EXT1: variants seen among roughly 807,000 people sequenced by gnomAD.
EXT1 encodes exostosin glycosyltransferase 1.
EXT1 carries 20 observed loss-of-function variants against 82.5 expected under a neutral mutation model. The ratio of observed to expected loss-of-function variants is 0.24; its 90% CI spans 0.17 to 0.35. The LOEUF (loss-of-function observed/expected upper bound fraction) is 0.35, where lower values mean the gene tolerates loss of function less well. Ranked by LOEUF, EXT1 falls within the 10% of genes least tolerant of loss-of-function variation. The pLI is 1.00. For missense variants in EXT1, 757 were observed against 936.5 expected, an observed-to-expected ratio of 0.81 and a Z score of 2.50; for synonymous variants, 348 against 350.8, an observed-to-expected ratio of 0.99 and a Z score of 0.09.
At chr8:117,912,879 A>G (rs1038803479) in intron 1 of EXT1, among the ~76,000 whole-genome samples, 1 of 152,220 alleles carries the variant, frequency 6.6e-6, no homozygotes, top group Non-Finnish European at 1.5e-5. Context: ...AGAACTAAAT[A>G]AGACAAGGAT....
intron 1 of EXT1, among the ~76,000 whole-genome samples, chr8:118,039,575 A>T (rs1232082982): frequency 2.0e-5 from 3 of 150,938 alleles, no homozygotes; most frequent in Non-Finnish European, 3.0e-5. Flanking sequence ...AAAAAAAAAA[A>T]AAAAAATAAG....
At chr8:117,870,284 T>C (rs982168088) in intron 1 of EXT1, among the ~76,000 whole-genome samples, 1 of 152,210 alleles carries the variant, frequency 6.6e-6, no homozygotes, top group Admixed American at 6.5e-5. Context: ...AAAACACATC[T>C]CCCACCAATA....
chr8:117,812,777 C>T, intron 8 of EXT1, 95 bp downstream of exon 8: 1 of 1,167,642 alleles, frequency 8.6e-7, no homozygotes, highest in Non-Finnish European at 1.3e-6. Flanking sequence ...TTTTCAACTT[C>T]TGCCAAGGCA....
chr8:117,899,872 A>G (rs17450876), intron 1 of EXT1, among the ~76,000 whole-genome samples: 38,231 of 152,114 alleles, frequency 0.25, 5,646 homozygotes, highest in East Asian at 0.37. Context: ...GGGCATCAAA[A>G]TATCTTACCG....
rs111964140 is a variant in EXT1, at chr8:117,820,996, C to A, written c.1418-1202G>T. On this transcript the variant is annotated intron_variant, in intron 5 of 10. Transcript: ENST00000378204. ...GAGACAGAAGTGAGATGGCTTCCCC[C>A]CAAGGAGTTTTCCCATAAGAACTCA... 3.9e-5 allele frequency among the ~76,000 whole-genome samples: 6 copies of A among 152,244 alleles called. No homozygotes were observed. The East Asian group carries it at 7.7e-4, about 20-fold the overall frequency.
At chr8:117,810,429 C>A (rs953746624) in intron 8 of EXT1, among the ~76,000 whole-genome samples, 1 of 152,224 alleles carries the variant, frequency 6.6e-6, no homozygotes, top group Admixed American at 6.5e-5. Context: ...TCATTTTCAA[C>A]CCACGTTGAC....
intron 1 of EXT1, among the ~76,000 whole-genome samples, chr8:117,919,294 T>C (rs2130008840): frequency 6.6e-6 from 1 of 151,812 alleles, no homozygotes; most frequent in African/African-American, 2.4e-5. Context: ...CAAGTGATCC[T>C]CCCACCTCAG....
chr8:117,980,702 T>TG (rs1563619787), intron 1 of EXT1, among the ~76,000 whole-genome samples: 3 of 44,640 alleles, frequency 6.7e-5, no homozygotes, highest in Non-Finnish European at 8.3e-5. Flanking sequence ...TTGGTGGTTT[T>TG]TTTTTTTTTT....
At chr8:117,894,351 C>A (rs989946805) in intron 1 of EXT1, among the ~76,000 whole-genome samples, 3 of 151,926 alleles carry the variant, frequency 2.0e-5, no homozygotes, top group Non-Finnish European at 4.4e-5. Context: ...GAGTAAATAC[C>A]CCTTGGAATA....
At chr8:118,090,966 G>A (rs1222656537) in intron 1 of EXT1, among the ~76,000 whole-genome samples, 2 of 151,918 alleles carry the variant, frequency 1.3e-5, no homozygotes, top group Non-Finnish European at 2.9e-5. Context: ...CAGACAGTTA[G>A]CAAGGAGGCT....
chr8:117,908,522 C>T (rs1456013285), intron 1 of EXT1, among the ~76,000 whole-genome samples: 1 of 151,898 alleles, frequency 6.6e-6, no homozygotes, highest in Non-Finnish European at 1.5e-5. Flanking sequence ...CCCAGCTACT[C>T]AGGAGGCTGA....
chr8:117,938,131 A>G (rs1293016243), intron 1 of EXT1, among the ~76,000 whole-genome samples: 2 of 152,180 alleles, frequency 1.3e-5, no homozygotes, highest in East Asian at 3.9e-4. Flanking sequence ...GCTATCCACT[A>G]TGATAGCCCT....
intron 1 of EXT1, among the ~76,000 whole-genome samples, chr8:118,083,751 G>A (rs1817372377): frequency 6.6e-6 from 1 of 152,088 alleles, no homozygotes; most frequent in Admixed American, 6.5e-5. Context: ...AGGGAGGCGG[G>A]GCGCAGTAGC....
rs17506086 is a variant in EXT1 at position 118,081,711 on chromosome 8, A to G, written c.962+28374T>C. 3.0e-3 allele frequency among the ~76,000 whole-genome samples: 455 copies of G among 152,330 alleles called. 2 individuals carry two copies. Among genetic ancestry groups the G allele is most frequent in the African/African-American group, 0.01 (430 of 41,570 alleles). ...GGATTACAAAGAAATTGCCACTGTC[A>G]TTTAATGAATTGATGCTGGCGTGCT... is the stretch of plus-strand genomic sequence containing the variant. On this transcript the variant is annotated intron_variant, in intron 1 of 10. Transcript: ENST00000378204.
At chr8:117,875,462 A>AAATAAAAT (rs1387037061) in intron 1 of EXT1, among the ~76,000 whole-genome samples, 1 of 127,274 alleles carries the variant, frequency 7.9e-6, no homozygotes, top group Admixed American at 7.6e-5. Flanking sequence ...ATAAATAAAT[A>AAATAAAAT]AATAAAATAA....
chr8:118,091,667 C>T (rs1817526946), intron 1 of EXT1, among the ~76,000 whole-genome samples: 2 of 152,116 alleles, frequency 1.3e-5, no homozygotes, highest in South Asian at 4.1e-4. Context: ...ATGATGTGAA[C>T]CTGGGAAGCG....
chr8:117,832,654 C>T (rs1274132253), intron 3 of EXT1, among the ~76,000 whole-genome samples: 1 of 152,184 alleles, frequency 6.6e-6, no homozygotes, highest in Non-Finnish European at 1.5e-5. Flanking sequence ...CAATGCTGTT[C>T]CCCTCTCTTA....
At chr8:118,099,891 C>T (rs998614669) in intron 1 of EXT1, among the ~76,000 whole-genome samples, 8 of 152,142 alleles carry the variant, frequency 5.3e-5, no homozygotes, top group East Asian at 3.8e-4. Context: ...GCTTCAACAG[C>T]GCCTGCCACA....
chr8:118,064,528 A>G (rs1057162698), intron 1 of EXT1, among the ~76,000 whole-genome samples: 11 of 152,156 alleles, frequency 7.2e-5, no homozygotes, highest in African/African-American at 2.7e-4. Flanking sequence ...TTATAGCTAC[A>G]TAGTATTCCA....
Sources: allele counts gnomAD v4.1 joint callset (sites outside exome capture counted in the v4.1 genomes callset), GRCh38; gene constraint gnomAD v4.1.1; transcripts MANE v1.5; gene names NCBI Gene and HGNC (gene_info 2026-07-23, HGNC 2026-07-21).